ODF2L: variants seen among roughly 807,000 people sequenced by gnomAD.
The protein encoded by ODF2L is protein BCAP.
Under a neutral mutation model 86.3 loss-of-function variants are expected in ODF2L, and 76 were observed. The observed-to-expected ratio is 0.88, with a 90% CI of 0.73 to 1.07. The LOEUF (loss-of-function observed/expected upper bound fraction) is 1.07. Among genes scored for constraint, ODF2L ranks in the 50% least tolerant of loss-of-function variants. ODF2L has a pLI of 0.00. For synonymous variants in ODF2L, 241 were observed against 231.3 expected (o/e 1.04, Z -0.38); for missense variants, 748 against 717.4 (o/e 1.04, Z -0.49).
At chr1:86,383,076 A>C in intron 5 of ODF2L, 58 bp downstream of exon 5, 1 of 1,283,832 alleles carries the variant, frequency 7.8e-7, no homozygotes, top group Non-Finnish European at 1.1e-6. Context: ...AAAACCAAGC[A>C]GCATGCAAAT....
At chr1:86,355,162 G>T in intron 14 of ODF2L, 2 of 540,632 alleles carry the variant, frequency 3.7e-6, no homozygotes, top group South Asian at 6.6e-5. Context: ...TTGTTAAGTT[G>T]AAATAGGAAA....
At chr1:86,348,834 A>C, downstream of ODF2L, 1 of 1,564,042 alleles carries the variant, frequency 6.4e-7, no homozygotes, top group Non-Finnish European at 8.6e-7. Flanking sequence ...ACTTCTCAAG[A>C]CTATTTTGTA....
At chr1:86,360,564 G>A (rs1017058471) in intron 11 of ODF2L, 28 bp from the exon 11 acceptor site, 9 of 1,059,350 alleles carry the variant, frequency 8.5e-6, no homozygotes, top group Non-Finnish European at 1.3e-5. Context: ...GATTTTATAA[G>A]TCATTAGAAT....
chr1:86,352,007 A>C (rs532524567), exon 18 of ODF2L: 2 of 1,295,082 alleles, frequency 1.5e-6, no homozygotes, highest in South Asian at 5.3e-5. Context: ...GTGAGTTAAA[A>C]AAAAGTTTAG....
intron 11 of ODF2L, among the ~76,000 whole-genome samples, chr1:86,361,808 T>A (rs1659053871): frequency 6.6e-6 from 1 of 152,310 alleles, no homozygotes; most frequent in East Asian, 1.9e-4. Context: ...GATGAATACA[T>A]GAGCCAATAT....
intron 12 of ODF2L, 43 bp from the exon 12 acceptor site, chr1:86,358,934 T>C (rs1283105364): frequency 1.1e-6 from 1 of 915,246 alleles, no homozygotes; most frequent in Non-Finnish European, 1.6e-6. Flanking sequence ...TTTAGAATCA[T>C]AACATGAGAT....
chr1:86,384,959 ATC>A (rs1329594457), intron 3 of ODF2L, among the ~76,000 whole-genome samples, 158 bp from the exon 4 acceptor site: 3 of 152,034 alleles, frequency 2.0e-5, no homozygotes, highest in African/African-American at 7.2e-5. Context: ...AGTAAATTGG[ATC>A]TGTTATACAG....
chr1:86,384,510 A>C (rs1016685827), intron 4 of ODF2L, among the ~76,000 whole-genome samples, 166 bp downstream of exon 4: 1 of 151,906 alleles, frequency 6.6e-6, no homozygotes, highest in African/African-American at 2.4e-5. Context: ...CGTGGTGTTC[A>C]TATACAACTA....
intron 1 of ODF2L, among the ~76,000 whole-genome samples, chr1:86,395,079 G>C (rs1431949501): frequency 1.3e-5 from 2 of 152,024 alleles, no homozygotes; most frequent in Non-Finnish European, 2.9e-5. Flanking sequence ...TCCTAACCTC[G>C]TGATCCGCCC....
At chr1:86,349,136 A>G (rs1184564493), downstream of ODF2L, 1 of 200,786 alleles carries the variant, frequency 5.0e-6, no homozygotes, top group Non-Finnish European at 9.8e-6. Flanking sequence ...ATTTAACATG[A>G]TTAACTTAAT....
At position 86,381,246 on chromosome 1, in the gene ODF2L, G is replaced by A. The variant is rs1367839771; in HGVS notation, c.624+996C>T. Among the ~76,000 whole-genome samples the A allele has an allele frequency of 3.3e-5, 5 of 151,962 alleles. No homozygotes were observed. The East Asian group carries it at 5.8e-4, about 18-fold the overall frequency. ...CATGGTTATAAAAAATAACCACTAC[G>A]CTTTAAGATAAATTGGGAAAGATGA... On this transcript the variant is annotated intron_variant, in intron 7 of 17. Transcript: ENST00000317336.
chr1:86,388,156 A>G (rs1661072501), intron 1 of ODF2L, among the ~76,000 whole-genome samples: 1 of 152,128 alleles, frequency 6.6e-6, no homozygotes, highest in African/African-American at 2.4e-5. Flanking sequence ...TAACCAACAG[A>G]TAGTCTAGGA....
chr1:86,353,087 T>C, intron 16 of ODF2L, 103 bp from the exon 16 acceptor site: 1 of 718,756 alleles, frequency 1.4e-6, no homozygotes, highest in East Asian at 2.8e-5. Context: ...ATATTACTTG[T>C]ATGTTATATC....
At chr1:86,356,569 A>T in exon 14 of ODF2L, 7 of 1,613,842 alleles carry the variant, frequency 4.3e-6, no homozygotes, top group Non-Finnish European at 5.9e-6. Context: ...ACACGCTCTA[A>T]CTCCTTCAGA....
rs28688345 is a variant in ODF2L, at chr1:86,375,367, A to G, written c.810+866T>C. The stretch of plus-strand genomic sequence containing the variant: ...GGAGTATTATGATGCCCTATTTTAT[A>G]CATGAGGAAATTGAAGAGGTTAAGT... On this transcript the variant is annotated intron_variant, in intron 8 of 17. Coordinates refer to ENST00000317336, the Ensembl canonical transcript of ODF2L. 0.011 allele frequency among the ~76,000 whole-genome samples: 1,688 copies of G among 152,250 alleles called. 65 individuals are homozygous for G. In the East Asian group the frequency reaches 0.12, roughly 10 times the overall value.
chr1:86,382,078 CT>C (rs1370748710), intron 7 of ODF2L, 163 bp downstream of exon 7: 24 of 994,782 alleles, frequency 2.4e-5, no homozygotes, highest in Non-Finnish European at 2.7e-5. Context: ...GTACCCAAAC[CT>C]TTAGTTAGGC....
chr1:86,393,223 T>A (rs1661451426), intron 1 of ODF2L, among the ~76,000 whole-genome samples: 1 of 152,202 alleles, frequency 6.6e-6, no homozygotes, highest in Admixed American at 6.5e-5. Flanking sequence ...CAAACACAAA[T>A]TCTTAGAAAA....
At chr1:86,356,504 C>T (rs1401773954) in exon 14 of ODF2L, 1 of 1,613,948 alleles carries the variant, frequency 6.2e-7, no homozygotes. Context: ...TGCAGCACTG[C>T]AGACTCTCCT....
Position 86,358,911 on chromosome 1 carries a change from G to A in ODF2L, c.1255-20C>T. 3 of 1,142,338 alleles carry A rather than the reference G, an allele frequency of 2.6e-6. No individual in the cohort carries two copies. Among genetic ancestry groups the A allele is most frequent in the Non-Finnish European group, 3.7e-6 (3 of 804,476 alleles). The allele number at this position is 1,142,338 out of a possible 1,614,324, so 70.8% of individuals were successfully genotyped here. A position where few individuals can be genotyped will look rare whatever the true frequency, so the allele number is the denominator to read the frequency against. On this transcript the variant is annotated intron_variant, in intron 12 of 17. Coordinates refer to ENST00000317336, the Ensembl canonical transcript of ODF2L. ...TTGTACCTGAAAATAAAGTATTAGA[G>A]AAACATATTATTTTTAGAATCATAA...
Sources: allele counts gnomAD v4.1 joint callset (sites outside exome capture counted in the v4.1 genomes callset), GRCh38; gene constraint gnomAD v4.1.1; transcripts MANE v1.5; gene names NCBI Gene and HGNC (gene_info 2026-07-23, HGNC 2026-07-21).